Variants in RPAP1 observed in about 807,000 individuals in gnomAD.
The protein encoded by RPAP1 is RNA polymerase II-associated protein 1.
In RPAP1, 109 loss-of-function variants were observed where a neutral mutation model predicts 142.4. The ratio of observed to expected loss-of-function variants is 0.77; its 90% CI spans 0.66 to 0.90. The LOEUF is 0.90. Among genes scored for constraint, RPAP1 ranks in the 40% least tolerant of loss-of-function variants. The probability of loss-of-function intolerance (pLI) is 0.00; values close to 1 mark genes in which losing one functional copy is unlikely to be tolerated. For missense variants in RPAP1, 1,546 were observed against 1,751.7 expected (o/e 0.88, Z 2.10); for synonymous variants, 704 against 738.9 (o/e 0.95, Z 0.77).
intron 19 of RPAP1, 130 bp downstream of exon 19, chr15:41,522,635 C>T (rs889992835): frequency 1.3e-6 from 1 of 786,452 alleles, no homozygotes; most frequent in Non-Finnish European, 1.9e-6. Flanking sequence ...GGTGATCTGC[C>T]CACCTCGGCC....
chr15:41,528,170 T>C lies in RPAP1; in HGVS notation c.1260+65A>G, dbSNP rs949324007. 8.6e-6 allele frequency: 13 copies of C among 1,512,834 alleles called. No homozygotes were observed. In the Admixed American group the frequency reaches 1.9e-4, roughly 22 times the overall value. 93.7% of individuals were successfully genotyped at this position (1,512,834 alleles called of 1,614,324 possible). A position where few individuals can be genotyped will look rare whatever the true frequency, so the allele number is the denominator to read the frequency against. On this transcript the variant is annotated intron_variant, in intron 10 of 24. Transcript: ENST00000304330. ...GAGCCAGAGTGAAAAGGGCAGGAGA[T>C]GGGGAAGTCTGAGGCTGTGGGGTGA...
rs1183926448 is a variant in RPAP1, at chr15:41,523,513, AG to A, written c.2437-160del. Among the ~76,000 whole-genome samples the A allele has an allele frequency of 5.9e-5, 9 of 152,328 alleles. No individual in the cohort carries two copies. The East Asian group carries it at 1.4e-3, about 23-fold the overall frequency. Reference sequence around the variant, plus strand: ...GAAGGGAGAGAAGGCCCCGATGTGTAGGGGGCATAAAGAGGGAGCACACAGG... The same window carrying A: ...GAAGGGAGAGAAGGCCCCGATGTGTAGGGGCATAAAGAGGGAGCACACAGG... On this transcript the variant is annotated intron_variant, in intron 17 of 24. Transcript: ENST00000304330.
chr15:41,534,636 G>T (rs1484691698), intron 6 of RPAP1, 78 bp downstream of exon 6: 4 of 778,664 alleles, frequency 5.1e-6, no homozygotes, highest in South Asian at 4.3e-5. Flanking sequence ...ACAGTGCCCG[G>T]AACTCACAGT....
chr15:41,522,412 T>G, intron 19 of RPAP1, 162 bp from the exon 20 acceptor site: 1 of 698,484 alleles, frequency 1.4e-6, no homozygotes, highest in South Asian at 1.9e-5. Flanking sequence ...TTTTTTGAGA[T>G]GGAGTTTCGC....
In RPAP1 at chr15:41,536,180, C is replaced by T; in HGVS notation, c.369G>A (p.Val123=). Reference sequence around the variant, plus strand: ...CAGCAGGGAAAGCAACACCACTGGGCACAGGCAGATTCACGGCCACTGAAC... The same window carrying T: ...CAGCAGGGAAAGCAACACCACTGGGTACAGGCAGATTCACGGCCACTGAAC... ...DTSSVAVNLP[V]PSGVAFPAVF... is the part of the protein sequence containing the mutation. The change falls in exon 4 of 25, where the codon GTG becomes GTA. Residue 123 remains valine (V), a synonymous_variant. Transcript: ENST00000304330. The T allele has an allele frequency of 6.2e-7, 1 of 1,614,160 alleles. No homozygotes were observed. Among genetic ancestry groups the T allele is most frequent in the South Asian group, 1.1e-5 (1 of 91,088 alleles).
intron 1 of RPAP1, among the ~76,000 whole-genome samples, chr15:41,540,392 C>T (rs1372063183): frequency 3.3e-5 from 5 of 151,454 alleles, no homozygotes; most frequent in Non-Finnish European, 5.9e-5. Flanking sequence ...ACCTCCGCCT[C>T]CCAGGTTCAA....
intron 6 of RPAP1, among the ~76,000 whole-genome samples, chr15:41,532,469 C>T (rs1315172941): frequency 6.6e-6 from 1 of 152,098 alleles, no homozygotes; most frequent in South Asian, 2.1e-4. Context: ...AGCCCTAACA[C>T]GTATTATACT....
At chr15:41,543,043 C>A (rs1184242821) in intron 1 of RPAP1, among the ~76,000 whole-genome samples, 1 of 152,090 alleles carries the variant, frequency 6.6e-6, no homozygotes, top group Non-Finnish European at 1.5e-5. Context: ...AAAGCAAAGT[C>A]CAGCTCACTT....
chr15:41,531,621 ATATATATTTTTTTTTTTTTTT>A (rs1333139475), intron 6 of RPAP1, among the ~76,000 whole-genome samples: 393 of 34,066 alleles, frequency 0.012, 1 homozygote, highest in African/African-American at 0.042. Flanking sequence ...ATATATATAT[ATATATATTTTTTTTTTTTTTT>A]TTTTTTTTTT....
In RPAP1 at chr15:41,527,525, A is replaced by G; in HGVS notation, c.1509T>C (p.Asp503=). 6.2e-7 allele frequency: 1 copy of G among 1,613,754 alleles called. No individual in the cohort carries two copies. Among genetic ancestry groups the G allele is most frequent in the East Asian group, 2.2e-5 (1 of 44,868 alleles). Residue 503 remains aspartate (D), a synonymous_variant, in exon 12 of 25, where the codon GAT becomes GAC. Coordinates refer to ENST00000304330, the MANE Select transcript of RPAP1 (RefSeq NM_015540.4). ...PLMPSQEDKE[D]EDEDEECPAG... Reference sequence around the variant, plus strand: ...CTGGGCATTCTTCATCCTCGTCCTCATCCTCCTTGTCCTCCTGGCTGGGCA... The same window carrying G: ...CTGGGCATTCTTCATCCTCGTCCTCGTCCTCCTTGTCCTCCTGGCTGGGCA...
At position 41,540,548 on chromosome 15, in the gene RPAP1, G is replaced by A. The variant is rs139786459; in HGVS notation, c.-76-3347C>T. 4.1e-4 allele frequency among the ~76,000 whole-genome samples: 63 copies of A among 152,246 alleles called. 1 individual carries two copies. The highest frequency in any genetic ancestry group is 1.4e-3 in the African/African-American group (58 of 41,548). On this transcript the variant is annotated intron_variant, in intron 1 of 24. Transcript: ENST00000304330. Reference sequence around the variant, plus strand: ...ACTCCCGACCTCAGGTGATCTGCCCGCCTCTGCCTCCCAAAGTGCTGGGAT... The same window carrying A: ...ACTCCCGACCTCAGGTGATCTGCCCACCTCTGCCTCCCAAAGTGCTGGGAT...
In RPAP1 at chr15:41,517,381, T is replaced by C; in HGVS notation, c.*161A>G. ...ATCAGGATGTAATGGTAGGGCTCACTGCTCTAAAACAGCTCAAACAACCTG... is the reference window on the plus strand; with the variant it reads ...ATCAGGATGTAATGGTAGGGCTCACCGCTCTAAAACAGCTCAAACAACCTG... On this transcript the variant is annotated 3_prime_UTR_variant, in exon 25 of 25. Transcript: ENST00000304330. 1 of 605,572 alleles carries C rather than the reference T, an allele frequency of 1.7e-6. No individual in the cohort carries two copies. The highest frequency in any genetic ancestry group is 2.8e-6 in the Non-Finnish European group (1 of 356,530). 37.5% of individuals were successfully genotyped at this position (605,572 alleles called of 1,614,324 possible).
At chr15:41,537,427 G>A (rs1752129615) in intron 1 of RPAP1, among the ~76,000 whole-genome samples, 1 of 152,106 alleles carries the variant, frequency 6.6e-6, no homozygotes. Context: ...AAAACTCTCA[G>A]GAACAACCAG....
In RPAP1 at chr15:41,523,264, T is replaced by G. The variant is rs2051749675; in HGVS notation, c.2527A>C (p.Ser843Arg). Residue 843 changes from serine to arginine, a missense_variant, in exon 18 of 25, where the codon AGC becomes CGC. Transcript: ENST00000304330. ...LPLLSQPTLG[S>R]LWDSLRHCSL... Reference sequence around the variant, plus strand: ...ACATACCTAAGGGAATCCCACAGGCTGCCCAGTGTGGGCTGACTCAGCAGT... The same window carrying G: ...ACATACCTAAGGGAATCCCACAGGCGGCCCAGTGTGGGCTGACTCAGCAGT... 6.2e-7 allele frequency: 1 copy of G among 1,606,242 alleles called. No individual in the cohort carries two copies. The highest frequency in any genetic ancestry group is 2.2e-5 in the East Asian group (1 of 44,770).
intron 1 of RPAP1, among the ~76,000 whole-genome samples, chr15:41,538,192 G>A (rs554322169): frequency 6.6e-6 from 1 of 152,290 alleles, no homozygotes; most frequent in East Asian, 1.9e-4. Flanking sequence ...GCAGTGATCT[G>A]AGATGGAGCC....
intron 3 of RPAP1, 89 bp downstream of exon 3, chr15:41,536,412 C>T (rs1342424968): frequency 1.3e-6 from 2 of 1,527,760 alleles, no homozygotes; most frequent in Non-Finnish European, 1.8e-6. Flanking sequence ...TCTGAAGCAC[C>T]CTCCACTGAT....
In RPAP1 at chr15:41,534,788, T is replaced by C. The variant is rs750438109; in HGVS notation, c.689A>G (p.Glu230Gly). The change falls in exon 6 of 25, where the codon GAG (glutamate) becomes GGG (glycine). Residue 230 changes from glutamate (E) to glycine (G), a missense_variant. Transcript: ENST00000304330. Reference sequence around the variant, plus strand: ...CATGGCCTGCAGTCTTGCTATGTTCTCTTCATGGATAGTCTGGGCTTCCTG... The same window carrying C: ...CATGGCCTGCAGTCTTGCTATGTTCCCTTCATGGATAGTCTGGGCTTCCTG... Reference protein sequence around the residue: ...AEQEAQTIHEENIARLQAMAP... With the variant: ...AEQEAQTIHEGNIARLQAMAP... 1 of 1,614,076 alleles carries C rather than the reference T, an allele frequency of 6.2e-7. No individual in the cohort carries two copies. The highest frequency in any genetic ancestry group is 1.1e-5 in the South Asian group (1 of 91,070).
Position 41,524,098 on chromosome 15 carries a change from G to C in RPAP1, c.2232C>G (p.Ile744Met), listed in dbSNP as rs2051762956. Residue 744 changes from isoleucine (I) to methionine (M), a missense_variant and splice_region_variant, in exon 16 of 25, where the codon ATC becomes ATG. This residue lies in a region of RPAP1 where 1,333 missense variants were observed against 1,486.6 expected (regional missense o/e 0.90). Transcript: ENST00000304330. Reference protein sequence around the residue: ...LAAGSTPAETISDSAEASLSA... With the variant: ...LAAGSTPAETMSDSAEASLSA... ...TGTGGGTCCTGGCTATAAACTACCT[G>C]ATGGTTTCAGCAGGGGTACTGCCGG... is the stretch of plus-strand genomic sequence containing the variant. The C allele has an allele frequency of 1.3e-6, 2 of 1,589,616 alleles. No individual in the cohort carries two copies. Among genetic ancestry groups the C allele is most frequent in the East Asian group, 2.2e-5 (1 of 44,586 alleles).
intron 21 of RPAP1, 92 bp downstream of exon 21, chr15:41,521,646 T>C: frequency 7.0e-7 from 1 of 1,423,608 alleles, no homozygotes. Context: ...AAAGAGAATT[T>C]AGGTCTCCTG....
Sources: allele counts gnomAD v4.1 joint callset (sites outside exome capture counted in the v4.1 genomes callset), GRCh38; gene constraint gnomAD v4.1.1; regional missense constraint gnomAD v4.1.1; transcripts MANE v1.5; gene names NCBI Gene and HGNC (gene_info 2026-07-23, HGNC 2026-07-21).